DCDC2: variants seen among roughly 807,000 people sequenced by gnomAD.
The protein encoded by DCDC2 is doublecortin domain-containing protein 2.
A neutral mutation model predicts 50.2 loss-of-function variants in DCDC2; 40 were observed. The ratio of observed to expected loss-of-function variants is 0.80; its 90% confidence interval spans 0.62 to 1.04. DCDC2 has a LOEUF of 1.04. DCDC2 is among the 50% of genes least tolerant of loss of function. The pLI, the probability that DCDC2 is intolerant of heterozygous loss-of-function variation, is 0.00. For synonymous variants in DCDC2, 234 were observed against 210.6 expected, an observed-to-expected ratio of 1.11 and a Z score of -0.96; for missense variants, 570 against 581.9, an observed-to-expected ratio of 0.98 and a Z score of 0.21.
rs1038123498 is a variant in DCDC2 at position 24,172,694 on chromosome 6, T to C, written c.*2036A>G. 5 of 152,072 alleles carry C rather than the reference T, an allele frequency of 3.3e-5. No individual in the cohort carries two copies. The highest frequency in any genetic ancestry group is 1.2e-4 in the African/African-American group (5 of 41,414). 9.4% of individuals were successfully genotyped at this position (152,072 alleles called of 1,614,324 possible). Reference sequence around the variant, plus strand: ...ACCCAGTAATAGTGCACAAATTTAATATTAAAAGACCAACTGGGACCGGGT... The same window carrying C: ...ACCCAGTAATAGTGCACAAATTTAACATTAAAAGACCAACTGGGACCGGGT... On this transcript the variant is annotated 3_prime_UTR_variant, in exon 10 of 10. Coordinates refer to ENST00000378454, the MANE Select transcript of DCDC2 (RefSeq NM_016356.5).
intron 8 of DCDC2, among the ~76,000 whole-genome samples, chr6:24,184,481 G>C (rs189201856): frequency 1.5e-4 from 23 of 152,142 alleles, no homozygotes; most frequent in Admixed American, 5.9e-4. Context: ...GGCTGAGGCA[G>C]AATTGCTTGA....
At chr6:24,364,031 G>C in the DCDC2 span, among the ~76,000 whole-genome samples, 2 of 152,036 alleles carry the variant, frequency 1.3e-5, no homozygotes, top group Non-Finnish European at 2.9e-5. Context: ...CCAAAGTGAA[G>C]ACTTGTACCA....
chr6:24,182,920 T>A (rs925698595), intron 8 of DCDC2, among the ~76,000 whole-genome samples: 1 of 152,242 alleles, frequency 6.6e-6, no homozygotes, highest in Non-Finnish European at 1.5e-5. Flanking sequence ...CATCAAAAGA[T>A]GAGTGGATAA....
chr6:24,253,282 G>C (rs984416790), intron 7 of DCDC2, among the ~76,000 whole-genome samples: 4 of 152,094 alleles, frequency 2.6e-5, no homozygotes, highest in Admixed American at 1.3e-4. Flanking sequence ...AAATACTAAT[G>C]TGAGAATAAA....
At chr6:24,261,008 AT>A (rs1413841934) in intron 7 of DCDC2, among the ~76,000 whole-genome samples, 1 of 152,194 alleles carries the variant, frequency 6.6e-6, no homozygotes, top group Non-Finnish European at 1.5e-5. Flanking sequence ...CTCCTAATAC[AT>A]TCTTTGTCTA....
intron 2 of DCDC2, among the ~76,000 whole-genome samples, chr6:24,326,355 A>AT (rs1759864011): frequency 6.7e-6 from 1 of 148,258 alleles, no homozygotes; most frequent in Admixed American, 6.8e-5. Context: ...CAATAGAAGG[A>AT]CCCCCCCATG....
chr6:24,201,345 G>A (rs4636010), intron 8 of DCDC2, among the ~76,000 whole-genome samples: 151,002 of 152,334 alleles, frequency 0.99, 74,851 homozygotes, highest in Middle Eastern at 1. Context: ...CAGAATTAAG[G>A]AACTCATGAA....
chr6:24,363,829 G>A, the DCDC2 span, among the ~76,000 whole-genome samples: 7 of 152,090 alleles, frequency 4.6e-5, no homozygotes. Context: ...ATTCTCCACA[G>A]AACAGTCATC....
Position 24,349,173 on chromosome 6 carries a change from G to C in DCDC2, c.348+4396C>G, listed in dbSNP as rs369437034. ...AGCAGAAGGACGCTTCCATTTGAAGGGTCCACAAATGGCTTTGCTGCAACA... is the reference window on the plus strand; with the variant it reads ...AGCAGAAGGACGCTTCCATTTGAAGCGTCCACAAATGGCTTTGCTGCAACA... On this transcript the variant is annotated intron_variant, in intron 2 of 9. Transcript: ENST00000378454. Among the ~76,000 whole-genome samples, 17 of 152,252 alleles carry C rather than the reference G, an allele frequency of 1.1e-4. No individual in the cohort carries two copies. In the East Asian group the frequency reaches 1.7e-3, roughly 16 times the overall value.
At chr6:24,362,856 A>T (rs891585267), upstream of DCDC2, among the ~76,000 whole-genome samples, 1 of 152,240 alleles carries the variant, frequency 6.6e-6, no homozygotes, top group Non-Finnish European at 1.5e-5. Context: ...GGAACAACAA[A>T]AACAGTCAGA....
chr6:24,301,873 A>T (rs745600394), intron 3 of DCDC2, 27 bp from the exon 4 acceptor site: 3 of 1,614,074 alleles, frequency 1.9e-6, no homozygotes, highest in East Asian at 4.5e-5. Flanking sequence ...AAACCTTCTG[A>T]AACAGTTATG....
chr6:24,348,874 G>A (rs1760313691), intron 2 of DCDC2, among the ~76,000 whole-genome samples: 1 of 151,990 alleles, frequency 6.6e-6, no homozygotes, highest in African/African-American at 2.4e-5. Flanking sequence ...CAAGAGCAGT[G>A]AAGTATCCAT....
intron 4 of DCDC2, among the ~76,000 whole-genome samples, chr6:24,297,961 T>C (rs747254133): frequency 2.0e-5 from 3 of 152,200 alleles, no homozygotes; most frequent in Non-Finnish European, 4.4e-5. Flanking sequence ...GAAGTGTACT[T>C]AAAACATATC....
chr6:24,179,547 CAAAAAAAAAAA>C (rs56731018), intron 8 of DCDC2, among the ~76,000 whole-genome samples: 5 of 49,596 alleles, frequency 1.0e-4, no homozygotes, highest in East Asian at 7.4e-4. Context: ...GACACCATCT[CAAAAAAAAAAA>C]AAAAAAAAAA....
At chr6:24,235,754 C>A (rs1762429900) in intron 7 of DCDC2, among the ~76,000 whole-genome samples, 1 of 152,134 alleles carries the variant, frequency 6.6e-6, no homozygotes, top group Non-Finnish European at 1.5e-5. Flanking sequence ...ACAAGCCTGC[C>A]CACTCTCACC....
chr6:24,277,864 C>T (rs551952362), intron 7 of DCDC2, among the ~76,000 whole-genome samples, 185 bp downstream of exon 7: 1 of 152,154 alleles, frequency 6.6e-6, no homozygotes, highest in Non-Finnish European at 1.5e-5. Flanking sequence ...CCTCATGGCA[C>T]AACATCTAAT....
chr6:24,264,679 T>A (rs764206470), intron 7 of DCDC2, among the ~76,000 whole-genome samples: 24 of 146,722 alleles, frequency 1.6e-4, no homozygotes, highest in Admixed American at 1.6e-3. Flanking sequence ...CCAGAGAAAA[T>A]TGTCTTCACT....
intron 2 of DCDC2, among the ~76,000 whole-genome samples, chr6:24,312,457 T>C (rs748826006): frequency 1.5e-5 from 2 of 136,590 alleles, no homozygotes; most frequent in Non-Finnish European, 3.2e-5. Flanking sequence ...TGTTATATAA[T>C]AATATTTTTT....
At chr6:24,267,593 T>A (rs1359345849) in intron 7 of DCDC2, among the ~76,000 whole-genome samples, 1 of 152,196 alleles carries the variant, frequency 6.6e-6, no homozygotes, top group Non-Finnish European at 1.5e-5. Context: ...CTGGAGGATA[T>A]GTCCTGCCAA....
Sources: gnomAD v4.1 joint callset for allele counts (sites outside exome capture counted in the v4.1 genomes callset) on GRCh38, gnomAD v4.1.1 for gene constraint, MANE v1.5 for transcripts, NCBI Gene and HGNC (gene_info 2026-07-23, HGNC 2026-07-21) for gene names.